The following STK24 variants were observed in gnomAD, a reference collection of about 807,000 sequenced individuals.
The protein encoded by STK24 is serine/threonine kinase 24.
In STK24, 21 loss-of-function variants were observed where a neutral mutation model predicts 55.6. The observed-to-expected ratio is 0.38, with a 90% CI of 0.27 to 0.54. STK24 has a LOEUF of 0.54. Among genes scored for constraint, STK24 ranks in the 20% least tolerant of loss-of-function variants. STK24 has a pLI of 0.79. For synonymous variants in STK24, 200 were observed against 215.2 expected, an observed-to-expected ratio of 0.93 and a Z score of 0.62; for missense variants, 383 against 538.4, an observed-to-expected ratio of 0.71 and a Z score of 2.86.
At chr13:98,537,930 C>T (rs1440363722) in intron 1 of STK24, among the ~76,000 whole-genome samples, 1 of 152,122 alleles carries the variant, frequency 6.6e-6, no homozygotes, top group Non-Finnish European at 1.5e-5. Flanking sequence ...CTCAGGGCTC[C>T]GCTGCATGGC....
intron 5 of STK24, among the ~76,000 whole-genome samples, chr13:98,470,904 C>T (rs996534762): frequency 3.3e-5 from 5 of 152,196 alleles, no homozygotes. Context: ...TCAATCAAAA[C>T]AAAATCTCAT....
intron 1 of STK24, among the ~76,000 whole-genome samples, chr13:98,521,009 T>C (rs9300484): frequency 0.78 from 118,767 of 152,158 alleles, 46,987 homozygotes; most frequent in Non-Finnish European, 0.86. Flanking sequence ...CAACGGGAAA[T>C]GCGTCCTGGG....
intron 3 of STK24, among the ~76,000 whole-genome samples, chr13:98,479,353 G>A (rs1453839762): frequency 2.6e-5 from 4 of 152,180 alleles, no homozygotes; most frequent in East Asian, 1.9e-4. Context: ...AATAAAATGT[G>A]TACCTATTTT....
Position 98,476,243 on chromosome 13 carries a change from C to CCA in STK24, c.331-886_331-885insTG, listed in dbSNP as rs1555303361. ...CTCACTTCAAACCAGACGGGAAGCC[C>CCA]CCCCCCGCCCCCTGCAGAGTGGGGC... On this transcript the variant is annotated intron_variant, in intron 3 of 10. Coordinates refer to ENST00000539966, the MANE Select transcript of STK24 (RefSeq NM_001032296.4). Among the ~76,000 whole-genome samples, 9 of 140,776 alleles carry CCA rather than the reference C, an allele frequency of 6.4e-5. 1 individual carries two copies. The highest frequency in any genetic ancestry group is 4.7e-5 in the Non-Finnish European group (3 of 63,866). The allele number at this position is 140,776 out of a possible 152,430, so 92.4% of individuals were successfully genotyped here.
chr13:98,528,319 T>C (rs1241259123), intron 1 of STK24, among the ~76,000 whole-genome samples: 1 of 152,184 alleles, frequency 6.6e-6, no homozygotes, highest in Non-Finnish European at 1.5e-5. Context: ...GATTCTGCGC[T>C]CAATGAGAAC....
intron 2 of STK24, among the ~76,000 whole-genome samples, chr13:98,507,185 T>G (rs1443127897): frequency 6.6e-6 from 1 of 152,172 alleles, no homozygotes; most frequent in Non-Finnish European, 1.5e-5. Flanking sequence ...ATACCCTCTG[T>G]AGAAGGAGAA....
At chr13:98,571,978 G>T (rs964647624) in intron 1 of STK24, among the ~76,000 whole-genome samples, 1 of 152,202 alleles carries the variant, frequency 6.6e-6, no homozygotes, top group Non-Finnish European at 1.5e-5. Flanking sequence ...TCAAAAATGT[G>T]CCATACTTCC....
intron 3 of STK24, among the ~76,000 whole-genome samples, chr13:98,479,510 T>C (rs1440596045): frequency 2.0e-5 from 3 of 152,192 alleles, no homozygotes; most frequent in Non-Finnish European, 4.4e-5. Flanking sequence ...GGGATGCCCA[T>C]GCCCAACAGC....
At chr13:98,490,966 G>A (rs946520171) in intron 2 of STK24, among the ~76,000 whole-genome samples, 2 of 152,152 alleles carry the variant, frequency 1.3e-5, no homozygotes, top group Admixed American at 6.5e-5. Flanking sequence ...TGGAGAAAAC[G>A]AGAGAGAGCT....
At chr13:98,490,046 G>A (rs1200198168) in intron 2 of STK24, among the ~76,000 whole-genome samples, 1 of 152,202 alleles carries the variant, frequency 6.6e-6, no homozygotes, top group Non-Finnish European at 1.5e-5. Flanking sequence ...GAAGCCAGAA[G>A]CCAAGATGGT....
intron 2 of STK24, 105 bp downstream of exon 2, chr13:98,519,138 G>T: frequency 1.1e-6 from 1 of 873,676 alleles, no homozygotes. Context: ...ATCTCTCCTT[G>T]CTCTGAAACC....
intron 6 of STK24, 114 bp downstream of exon 6, chr13:98,466,262 G>T: frequency 9.6e-7 from 1 of 1,046,962 alleles, no homozygotes; most frequent in Non-Finnish European, 1.3e-6. Flanking sequence ...AAAGAAAAAT[G>T]AATAATACCA....
intron 9 of STK24, among the ~76,000 whole-genome samples, chr13:98,459,517 C>T (rs1893610620): frequency 6.6e-6 from 1 of 152,244 alleles, no homozygotes; most frequent in South Asian, 2.1e-4. Context: ...ACTGGCAGGA[C>T]CGTGGCTGGC....
At chr13:98,506,038 A>G (rs558350211) in intron 2 of STK24, among the ~76,000 whole-genome samples, 42 of 152,346 alleles carry the variant, frequency 2.8e-4, no homozygotes, top group African/African-American at 9.6e-4. Flanking sequence ...AAAAGGAGAA[A>G]AAGCTTACCT....
At chr13:98,562,007 T>C (rs1377686436) in intron 1 of STK24, among the ~76,000 whole-genome samples, 1 of 145,656 alleles carries the variant, frequency 6.9e-6, no homozygotes, top group Non-Finnish European at 1.5e-5. Context: ...AAAAAAGATG[T>C]GACACGCCTT....
chr13:98,534,878 A>C (rs1247941308), intron 1 of STK24, among the ~76,000 whole-genome samples: 1 of 152,182 alleles, frequency 6.6e-6, no homozygotes, highest in Non-Finnish European at 1.5e-5. Flanking sequence ...AGTAACAATA[A>C]AACTCTGGTC....
At chr13:98,492,349 C>T (rs1015500377) in intron 2 of STK24, among the ~76,000 whole-genome samples, 3 of 152,024 alleles carry the variant, frequency 2.0e-5, no homozygotes, top group South Asian at 2.1e-4. Flanking sequence ...GCCCTTTCTG[C>T]GATAGGAAGC....
intron 10 of STK24, chr13:98,454,835 A>C (rs971430309): frequency 1.3e-5 from 2 of 152,278 alleles, no homozygotes; most frequent in African/African-American, 2.4e-5. Flanking sequence ...TAAGCACCTC[A>C]AGAGGCAGCT....
intron 1 of STK24, among the ~76,000 whole-genome samples, chr13:98,531,606 G>A (rs1381764709): frequency 6.6e-6 from 1 of 152,156 alleles, no homozygotes; most frequent in East Asian, 1.9e-4. Context: ...TCAAGCTCCT[G>A]ATTTTGACTT....
Sources: gnomAD v4.1 joint callset for allele counts (sites outside exome capture counted in the v4.1 genomes callset) on GRCh38, gnomAD v4.1.1 for gene constraint, MANE v1.5 for transcripts, NCBI Gene and HGNC (gene_info 2026-07-23, HGNC 2026-07-21) for gene names.